TCF4: variants seen among roughly 807,000 people sequenced by gnomAD.
The protein encoded by TCF4 is SL3-3 enhancer factor 2.
TCF4 carries 3 observed loss-of-function variants against 82.1 expected under a neutral mutation model. The observed-to-expected ratio is 0.04, with a 90% CI of 0.02 to 0.09. The LOEUF is 0.09. Ranked by LOEUF, TCF4 falls within the 10% of genes least tolerant of loss-of-function variation. The pLI is 1.00. For synonymous variants in TCF4, 276 were observed against 309.6 expected (o/e 0.89, Z 1.14); for missense variants, 518 against 852.7 (o/e 0.61, Z 4.89).
upstream of TCF4, among the ~76,000 whole-genome samples, chr18:55,590,896 C>T (rs1458660730): frequency 6.6e-6 from 1 of 152,158 alleles, no homozygotes; most frequent in African/African-American, 2.4e-5. Flanking sequence ...AGTAGCTTGA[C>T]CCAAGGAAGA....
intron 3 of TCF4, among the ~76,000 whole-genome samples, chr18:55,529,904 CAT>C (rs1445212489): frequency 6.6e-6 from 1 of 152,104 alleles, no homozygotes; most frequent in Non-Finnish European, 1.5e-5. Context: ...TTTCATGGCA[CAT>C]GTCCTAGAAC....
chr18:55,477,891 A>AT (rs2096329873), intron 3 of TCF4, among the ~76,000 whole-genome samples: 1 of 152,196 alleles, frequency 6.6e-6, no homozygotes, highest in African/African-American at 2.4e-5. Flanking sequence ...ACTTGGATGC[A>AT]TCCTGCCTTT....
intron 3 of TCF4, among the ~76,000 whole-genome samples, chr18:55,488,399 A>T (rs935733384): frequency 1.3e-5 from 2 of 152,176 alleles, no homozygotes; most frequent in Non-Finnish European, 2.9e-5. Flanking sequence ...TGGTTTTTTT[A>T]AAGTCTTTCC....
intron 5 of TCF4, among the ~76,000 whole-genome samples, chr18:55,443,445 T>C (rs1166177685): frequency 6.6e-6 from 1 of 152,226 alleles, no homozygotes; most frequent in Non-Finnish European, 1.5e-5. Flanking sequence ...CTTCAGCACC[T>C]GTATTGAGTA....
At chr18:55,513,234 T>C (rs1033675407) in intron 3 of TCF4, among the ~76,000 whole-genome samples, 1 of 152,176 alleles carries the variant, frequency 6.6e-6, no homozygotes, top group East Asian at 1.9e-4. Context: ...TGGACAGTGA[T>C]TTCTGCATAA....
At chr18:55,489,793 G>A (rs2096556799) in intron 3 of TCF4, among the ~76,000 whole-genome samples, 1 of 152,138 alleles carries the variant, frequency 6.6e-6, no homozygotes, top group South Asian at 2.1e-4. Flanking sequence ...CTCAATGAGA[G>A]TCTGTTCTTA....
chr18:55,514,140 C>T (rs1765659506), intron 3 of TCF4, among the ~76,000 whole-genome samples: 2 of 152,070 alleles, frequency 1.3e-5, no homozygotes, highest in Admixed American at 1.3e-4. Context: ...TCCTATCTTC[C>T]ATCTCTTCTC....
At chr18:55,261,183 G>C (rs559396934) in intron 12 of TCF4, 47 of 372,464 alleles carry the variant, frequency 1.3e-4, no homozygotes, top group African/African-American at 1.0e-3. Flanking sequence ...AGAAAAATAA[G>C]ACATCAGTAT....
Position 55,587,025 on chromosome 18 carries a change from T to C in TCF4, c.72+20A>G. The C allele has an allele frequency of 1.2e-6, 2 of 1,610,470 alleles. No individual in the cohort carries two copies. The highest frequency in any genetic ancestry group is 1.7e-6 in the Non-Finnish European group (2 of 1,176,932). ...TTGTTTTTTTCACAGCTGTTGTTAG[T>C]TTCCACCGTTCTTTCTTACCGCACT... On this transcript the variant is annotated intron_variant, in intron 2 of 19. Transcript: ENST00000354452.
intron 5 of TCF4, among the ~76,000 whole-genome samples, chr18:55,427,028 T>C (rs2095018052): frequency 6.6e-6 from 1 of 152,174 alleles, no homozygotes; most frequent in East Asian, 1.9e-4. Context: ...AATAAAACAC[T>C]ATTTTGCATG....
chr18:55,434,255 T>C (rs1052836443), intron 5 of TCF4, among the ~76,000 whole-genome samples: 2 of 152,214 alleles, frequency 1.3e-5, no homozygotes, highest in Non-Finnish European at 2.9e-5. Flanking sequence ...ATAATTCATC[T>C]TGAGTGACAA....
Position 55,355,275 on chromosome 18 carries a change from T to C in TCF4, c.370-4272A>G, listed in dbSNP as rs151023119. Among the ~76,000 whole-genome samples, 222 of 152,296 alleles carry C rather than the reference T, an allele frequency of 1.5e-3. 1 individual carries two copies. Among genetic ancestry groups the C allele is most frequent in the African/African-American group, 4.2e-3 (173 of 41,560 alleles). ...ATGCAAAATACACATTGAGTGAAAT[T>C]ACAAGTTAGATTTGTTTAAAATACC... is the stretch of plus-strand genomic sequence containing the variant. On this transcript the variant is annotated intron_variant, in intron 6 of 19. Transcript: ENST00000354452.
intron 3 of TCF4, among the ~76,000 whole-genome samples, chr18:55,502,848 G>A (rs1396935046): frequency 6.6e-6 from 1 of 152,116 alleles, no homozygotes; most frequent in Admixed American, 6.5e-5. Flanking sequence ...AGCATAAGAG[G>A]TTTCAAGCAG....
intron 3 of TCF4, among the ~76,000 whole-genome samples, chr18:55,489,051 G>A (rs769582046): frequency 3.9e-5 from 6 of 152,136 alleles, no homozygotes; most frequent in Non-Finnish European, 8.8e-5. Context: ...ACATGACAGA[G>A]GCTGGTCCAG....
rs751932079 is a variant in TCF4 at position 55,511,330 on chromosome 18, T to TAAAAAAAAAAAAAA, written c.146-47194_146-47193insTTTTTTTTTTTTTT. ...TAGGTAATAGAGTAATTCCAAAAGT[T>TAAAAAAAAAAAAAA]TAAAAAAAAAAAAAAAAAAAGCATT... On this transcript the variant is annotated intron_variant, in intron 3 of 19. Coordinates refer to ENST00000354452, the MANE Select transcript of TCF4 (RefSeq NM_001083962.2). 5.5e-5 allele frequency among the ~76,000 whole-genome samples: 4 copies of TAAAAAAAAAAAAAA among 73,072 alleles called. 2 individuals are homozygous for TAAAAAAAAAAAAAA. The allele number at this position is 73,072 out of a possible 152,430, so 47.9% of individuals were successfully genotyped here.
At chr18:55,492,499 T>G (rs762994027) in intron 3 of TCF4, among the ~76,000 whole-genome samples, 8 of 152,202 alleles carry the variant, frequency 5.3e-5, no homozygotes, top group Admixed American at 3.3e-4. Context: ...TTACAGAAGC[T>G]TCTAAAAACA....
rs77463693 is a variant in TCF4 at position 55,421,996 on chromosome 18, T to C, written c.305-18478A>G. 8.6e-5 allele frequency among the ~76,000 whole-genome samples: 13 copies of C among 151,922 alleles called. No homozygotes were observed. In the East Asian group the frequency reaches 2.5e-3, roughly 29 times the overall value. The stretch of plus-strand genomic sequence containing the variant: ...TGCAGAGTGTCTCCTAAAATTACAT[T>C]TGAAGAACAACACTAAACCAGAAGT... On this transcript the variant is annotated intron_variant, in intron 5 of 19. Coordinates refer to ENST00000354452, the MANE Select transcript of TCF4 (RefSeq NM_001083962.2).
intron 6 of TCF4, among the ~76,000 whole-genome samples, chr18:55,369,936 T>C (rs1475053668): frequency 1.3e-5 from 2 of 151,904 alleles, no homozygotes; most frequent in Admixed American, 1.3e-4. Context: ...TGTGTGTGTG[T>C]TTGAAAATGC....
chr18:55,555,778 C>T (rs774445430), intron 3 of TCF4, among the ~76,000 whole-genome samples: 1 of 152,190 alleles, frequency 6.6e-6, no homozygotes, highest in African/African-American at 2.4e-5. Context: ...AAAGCAATTA[C>T]AGCTTAATAG....
Sources: gnomAD v4.1 joint callset for allele counts (sites outside exome capture counted in the v4.1 genomes callset) on GRCh38, gnomAD v4.1.1 for gene constraint, MANE v1.5 for transcripts, NCBI Gene and HGNC (gene_info 2026-07-23, HGNC 2026-07-21) for gene names.